CACNA1C: variants seen among roughly 807,000 people sequenced by gnomAD.
CACNA1C encodes the protein calcium voltage-gated channel subunit alpha1 C, also known as voltage-dependent L-type calcium channel subunit alpha-1C.
CACNA1C carries 30 observed loss-of-function variants against 229.0 expected under a neutral mutation model. The ratio of observed to expected loss-of-function variants is 0.13; its 90% CI spans 0.10 to 0.18. The LOEUF (loss-of-function observed/expected upper bound fraction) is 0.18, where lower values mean the gene tolerates loss of function less well. Ranked by LOEUF, CACNA1C falls within the 10% of genes least tolerant of loss-of-function variation. The probability of loss-of-function intolerance (pLI) is 1.00; values close to 1 mark genes in which losing one functional copy is unlikely to be tolerated. For missense variants in CACNA1C, 1,658 were observed against 2,845.0 expected (o/e 0.58, Z 9.49); for synonymous variants, 1,114 against 1,132.5 (o/e 0.98, Z 0.33).
chr12:2,454,777 G>A (rs895582218), intron 4 of CACNA1C, among the ~76,000 whole-genome samples: 6 of 152,104 alleles, frequency 3.9e-5, no homozygotes, highest in African/African-American at 9.7e-5. Context: ...TTCAGCACCC[G>A]TGCCTCTCTC....
chr12:2,252,781 C>A (rs528185058), intron 3 of CACNA1C, among the ~76,000 whole-genome samples: 1 of 152,178 alleles, frequency 6.6e-6, no homozygotes, highest in East Asian at 1.9e-4. Flanking sequence ...CTTACTCTTC[C>A]CCAGTTTTTA....
chr12:1,993,127 A>G (rs779302488), intron 1 of CACNA1C: 7 of 1,149,128 alleles, frequency 6.1e-6, no homozygotes, highest in Non-Finnish European at 7.9e-6. Flanking sequence ...TTTCCTAAAC[A>G]TTAACATTTG....
At chr12:2,593,686 A>G (rs1183899226) in intron 19 of CACNA1C, among the ~76,000 whole-genome samples, 1 of 152,058 alleles carries the variant, frequency 6.6e-6, no homozygotes, top group Non-Finnish European at 1.5e-5. Flanking sequence ...ATTTTAACTC[A>G]CTCATCTGCT....
rs1328364295 is a variant in CACNA1C, at chr12:2,649,380, C to G, written c.3945+873C>G. On this transcript the variant is annotated intron_variant, in intron 31 of 46. Coordinates refer to ENST00000399655, the MANE Select transcript of CACNA1C (RefSeq NM_000719.7). The surrounding 1 kb of genome is among the most constrained non-coding windows in gnomAD (Gnocchi z 4.4). ...CACCAAGTCTGCAGGCCGAGGCAAG[C>G]TTGGGTGGGTTGATGTGTTCCCCAG... Among the ~76,000 whole-genome samples, 1 of 152,212 alleles carries G rather than the reference C, an allele frequency of 6.6e-6. No individual in the cohort carries two copies. The highest frequency in any genetic ancestry group is 1.5e-5 in the Non-Finnish European group (1 of 68,032).
At chr12:2,096,232 C>T (rs1422886851) in intron 1 of CACNA1C, among the ~76,000 whole-genome samples, 1 of 152,240 alleles carries the variant, frequency 6.6e-6, no homozygotes, top group Middle Eastern at 3.2e-3. Context: ...TGGTTTTACT[C>T]AGTTGTGAAG....
At chr12:2,343,925 A>G (rs371051412) in intron 3 of CACNA1C, among the ~76,000 whole-genome samples, 2 of 152,172 alleles carry the variant, frequency 1.3e-5, no homozygotes, top group African/African-American at 2.4e-5. Flanking sequence ...GACTGCAACA[A>G]TGTTTCATCT....
At chr12:2,404,973 A>G (rs1225095803) in intron 3 of CACNA1C, among the ~76,000 whole-genome samples, 1 of 152,206 alleles carries the variant, frequency 6.6e-6, no homozygotes, top group African/African-American at 2.4e-5. Context: ...AAACACTGCT[A>G]AACTGCACAA....
chr12:2,522,662 T>C (rs531510379), intron 9 of CACNA1C, among the ~76,000 whole-genome samples: 2 of 152,218 alleles, frequency 1.3e-5, no homozygotes, highest in Admixed American at 6.5e-5. Context: ...CTGTATGGCG[T>C]CAACTTTTAG....
chr12:2,520,039 C>G (rs1317308814), intron 9 of CACNA1C, among the ~76,000 whole-genome samples: 1 of 152,264 alleles, frequency 6.6e-6, no homozygotes, highest in East Asian at 1.9e-4. Flanking sequence ...AAACCACCAG[C>G]TCTGGGCAAG....
Position 2,653,713 on chromosome 12 carries a change from C to A in CACNA1C, c.4075-122C>A. On this transcript the variant is annotated intron_variant, in intron 32 of 46. Transcript: ENST00000399655. The surrounding 1 kb of genome is among the most constrained non-coding windows in gnomAD (Gnocchi z 4.7). ...AGTCCTGTGGGACTCTTGGAAGTGT[C>A]CCCCGGCCCAAACCGGGCAATAGCT... 2.5e-6 allele frequency: 2 copies of A among 786,216 alleles called. No individual in the cohort carries two copies. Among genetic ancestry groups the A allele is most frequent in the South Asian group, 1.5e-5 (1 of 66,774 alleles). 48.7% of individuals were successfully genotyped at this position (786,216 alleles called of 1,614,324 possible).
intron 8 of CACNA1C, 135 bp downstream of exon 8, chr12:2,505,080 A>T: frequency 1.6e-6 from 1 of 622,212 alleles, no homozygotes; most frequent in South Asian, 1.9e-5. Flanking sequence ...CTTGAAGTGG[A>T]TGTCCTTGTC....
intron 9 of CACNA1C, among the ~76,000 whole-genome samples, chr12:2,514,230 C>T (rs1440767843): frequency 6.6e-6 from 1 of 152,164 alleles, no homozygotes. Context: ...GAAGAAAGGA[C>T]GAAGATAGCC....
chr12:2,371,724 C>CTTTTTT (rs61627008), intron 3 of CACNA1C, among the ~76,000 whole-genome samples: 3 of 129,016 alleles, frequency 2.3e-5, no homozygotes, highest in Non-Finnish European at 4.8e-5. Context: ...TGACATATGG[C>CTTTTTT]TTTTTTTTTT....
At chr12:2,169,999 G>A (rs2096409767) in intron 3 of CACNA1C, among the ~76,000 whole-genome samples, 1 of 152,132 alleles carries the variant, frequency 6.6e-6, no homozygotes, top group Admixed American at 6.5e-5. Context: ...AGCAGGGCTG[G>A]CTCCCCTGAA....
At position 2,095,969 on chromosome 12, in the gene CACNA1C, C is replaced by T. The variant is rs539920800; in HGVS notation, c.50-19255C>T. ...CACTGAGTTGAAATCAGCATTCCTT[C>T]AGCAAACACTTCTTTTCATACTGGC... is the stretch of plus-strand genomic sequence containing the variant. On this transcript the variant is annotated intron_variant, in intron 1 of 46. Coordinates refer to ENST00000399655, the MANE Select transcript of CACNA1C (RefSeq NM_000719.7). 6.6e-5 allele frequency among the ~76,000 whole-genome samples: 10 copies of T among 152,290 alleles called. No individual in the cohort carries two copies. The East Asian group carries it at 1.9e-3, about 29-fold the overall frequency.
intron 3 of CACNA1C, among the ~76,000 whole-genome samples, chr12:2,185,309 C>T (rs2096963835): frequency 6.6e-6 from 1 of 152,188 alleles, no homozygotes; most frequent in Non-Finnish European, 1.5e-5. Context: ...CACCGCTCCC[C>T]ACCCCGTCTA....
intron 1 of CACNA1C, among the ~76,000 whole-genome samples, chr12:1,984,353 A>G (rs1372872344): frequency 6.6e-6 from 1 of 151,656 alleles, no homozygotes; most frequent in Non-Finnish European, 1.5e-5. Flanking sequence ...ATTTTTTAGT[A>G]TTCTATTTTA....
intron 3 of CACNA1C, among the ~76,000 whole-genome samples, chr12:2,267,797 G>A (rs1268576468): frequency 6.6e-6 from 1 of 152,212 alleles, no homozygotes; most frequent in East Asian, 1.9e-4. Context: ...GAAGGAGCCT[G>A]CTGGAATTCC....
intron 5 of CACNA1C, among the ~76,000 whole-genome samples, chr12:2,459,588 A>G (rs2099485512): frequency 6.6e-6 from 1 of 152,202 alleles, no homozygotes; most frequent in Non-Finnish European, 1.5e-5. Context: ...GTCTGGGGGT[A>G]CTTAGGTATA....
Sources: gnomAD v4.1 joint callset for allele counts (sites outside exome capture counted in the v4.1 genomes callset) on GRCh38, gnomAD v4.1.1 for gene constraint, Gnocchi (gnomAD v3.1) non-coding constraint, MANE v1.5 for transcripts, NCBI Gene and HGNC (gene_info 2026-07-23, HGNC 2026-07-21) for gene names.